Variants in ACTN4 observed in about 807,000 individuals in gnomAD.
ACTN4 encodes the protein alpha-actinin-4.
Under a neutral mutation model 114.2 loss-of-function variants are expected in ACTN4, and 18 were observed. The ratio of observed to expected loss-of-function variants is 0.16; its 90% CI spans 0.11 to 0.23. The LOEUF is 0.23. Among genes scored for constraint, ACTN4 ranks in the 10% least tolerant of loss-of-function variants. The pLI, the probability that ACTN4 is intolerant of heterozygous loss-of-function variation, is 1.00. For synonymous variants in ACTN4, 515 were observed against 506.3 expected (o/e 1.02, Z -0.23); for missense variants, 722 against 1,262.9 (o/e 0.57, Z 6.49).
intron 1 of ACTN4, among the ~76,000 whole-genome samples, chr19:38,665,825 C>CG (rs1568682668): frequency 6.6e-6 from 1 of 152,004 alleles, no homozygotes; most frequent in South Asian, 2.1e-4. Context: ...TGCTATCAGC[C>CG]GGGGGGCTCT....
intron 1 of ACTN4, chr19:38,693,736 C>G (rs1440322763): frequency 6.6e-6 from 1 of 152,222 alleles, no homozygotes; most frequent in Non-Finnish European, 1.5e-5. Context: ...GGAGGGGTCC[C>G]TGTGACGCAG....
chr19:38,654,616 T>C (rs1287542773), intron 1 of ACTN4, among the ~76,000 whole-genome samples: 1 of 151,808 alleles, frequency 6.6e-6, no homozygotes, highest in Non-Finnish European at 1.5e-5. Flanking sequence ...TATATTTAAC[T>C]GGCAAGAGCA....
chr19:38,659,065 C>T (rs12980438), intron 1 of ACTN4, among the ~76,000 whole-genome samples: 59 of 111,670 alleles, frequency 5.3e-4, no homozygotes, highest in South Asian at 9.0e-4. Flanking sequence ...CTTTTCTTTT[C>T]TTTTTTTTTT....
Position 38,727,730 on chromosome 19 carries a change from T to G in ACTN4, c.2338-216T>G, listed in dbSNP as rs2145106955. 5 of 570,572 alleles carry G rather than the reference T, an allele frequency of 8.8e-6. No homozygotes were observed. Among genetic ancestry groups the G allele is most frequent in the South Asian group, 2.0e-5 (1 of 50,276 alleles). The allele number at this position is 570,572 out of a possible 1,614,324, so 35.3% of individuals were successfully genotyped here. ...AGAGAGGTCGGGGAGGCCTCTGCCTTCCTTTGAGCTTCCGAGGTTGGGGAA... is the reference window on the plus strand; with the variant it reads ...AGAGAGGTCGGGGAGGCCTCTGCCTGCCTTTGAGCTTCCGAGGTTGGGGAA... On this transcript the variant is annotated intron_variant, in intron 18 of 20. Transcript: ENST00000252699. This position sits in a 1 kb window ranked among gnomAD's most constrained non-coding sequence, Gnocchi z 5.4.
Position 38,661,921 on chromosome 19 carries a change from G to A in ACTN4, c.162+14014G>A, listed in dbSNP as rs560201736. 9.9e-5 allele frequency among the ~76,000 whole-genome samples: 15 copies of A among 152,152 alleles called. No homozygotes were observed. In the South Asian group the frequency reaches 1.5e-3, roughly 15 times the overall value. The stretch of plus-strand genomic sequence containing the variant: ...CCCGCCTCGGCTTCCCAAAGTGCTG[G>A]GATTACAGGCGTGAGCCACCGCGCC... On this transcript the variant is annotated intron_variant, in intron 1 of 20. Transcript: ENST00000252699.
chr19:38,665,733 C>A (rs1267367905), intron 1 of ACTN4, among the ~76,000 whole-genome samples: 1 of 152,108 alleles, frequency 6.6e-6, no homozygotes, highest in East Asian at 1.9e-4. Context: ...GAGTTACAGG[C>A]CCTGAACAAT....
At chr19:38,693,721 G>A (rs765616093) in intron 1 of ACTN4, 9 of 152,240 alleles carry the variant, frequency 5.9e-5, no homozygotes, top group South Asian at 2.1e-4. Context: ...ACATCCTGGC[G>A]GCTGGGAGGG....
In ACTN4 at chr19:38,730,613, TTAAGC is replaced by T. The variant is rs1007994674; in HGVS notation, c.*1183_*1187del. Reference sequence around the variant, plus strand: ...GAGCCAGGGCAGAGCTAGCACTGTCTTAAGCTGTCAACGTGGACTAGCTCGTGTCA... The same window carrying T: ...GAGCCAGGGCAGAGCTAGCACTGTCTTGTCAACGTGGACTAGCTCGTGTCA... On this transcript the variant is annotated 3_prime_UTR_variant, in exon 21 of 21. Transcript: ENST00000252699. The T allele has an allele frequency of 2.1e-4, 128 of 603,860 alleles. No individual in the cohort carries two copies. Among genetic ancestry groups the T allele is most frequent in the African/African-American group, 1.9e-3 (105 of 54,286 alleles). 37.4% of individuals were successfully genotyped at this position (603,860 alleles called of 1,614,324 possible). A position where few individuals can be genotyped will look rare whatever the true frequency, so the allele number is the denominator to read the frequency against.
intron 1 of ACTN4, among the ~76,000 whole-genome samples, chr19:38,682,724 C>G (rs547001070): frequency 1.3e-5 from 2 of 152,328 alleles, no homozygotes; most frequent in South Asian, 4.1e-4. Flanking sequence ...CCCACACTGC[C>G]AGCCGAAGCT....
At chr19:38,713,673 C>T (rs1027606231) in intron 8 of ACTN4, among the ~76,000 whole-genome samples, 6 of 152,206 alleles carry the variant, frequency 3.9e-5, no homozygotes, top group African/African-American at 1.4e-4. Flanking sequence ...AGCCGTTGGC[C>T]AAGCCTCTCC....
rs760769296 is a variant in ACTN4 at position 38,673,499 on chromosome 19, A to T, written c.162+25592A>T. Among the ~76,000 whole-genome samples the T allele has an allele frequency of 6.5e-4, 71 of 108,420 alleles. 2 individuals are homozygous for T. The highest frequency in any genetic ancestry group is 1.4e-3 in the South Asian group (5 of 3,690). The allele number at this position is 108,420 out of a possible 152,430, so 71.1% of individuals were successfully genotyped here. ...TTTATATATATATTCATATATATTT[A>T]TATATATGAATATATATTTATATAT... On this transcript the variant is annotated intron_variant, in intron 1 of 20. Coordinates refer to ENST00000252699, the MANE Select transcript of ACTN4 (RefSeq NM_004924.6).
chr19:38,663,352 C>T (rs112194047), intron 1 of ACTN4, among the ~76,000 whole-genome samples: 240 of 152,322 alleles, frequency 1.6e-3, no homozygotes, highest in African/African-American at 5.1e-3. Context: ...AGCTCTGTGC[C>T]GAGCCTTTAG....
Position 38,730,888 on chromosome 19 carries a change from A to G in ACTN4, c.*1456A>G, listed in dbSNP as rs1470473769. The G allele has an allele frequency of 1.9e-5, 29 of 1,551,534 alleles. No homozygotes were observed. The highest frequency in any genetic ancestry group is 2.4e-5 in the Non-Finnish European group (28 of 1,147,426). Reference sequence around the variant, plus strand: ...TGGCCACCTCCATCCACTAAGGAAGAGAAGGAAGACAGTGGCTTGAGGCAG... The same window carrying G: ...TGGCCACCTCCATCCACTAAGGAAGGGAAGGAAGACAGTGGCTTGAGGCAG... On this transcript the variant is annotated 3_prime_UTR_variant, in exon 21 of 21. Coordinates refer to ENST00000252699, the MANE Select transcript of ACTN4 (RefSeq NM_004924.6).
At chr19:38,716,395 A>T (rs1219040618) in intron 9 of ACTN4, among the ~76,000 whole-genome samples, 1 of 152,254 alleles carries the variant, frequency 6.6e-6, no homozygotes, top group African/African-American at 2.4e-5. Context: ...TGAGGCACTT[A>T]GTGAGCCCAG....
chr19:38,714,756 G>A (rs1004101548), intron 9 of ACTN4, among the ~76,000 whole-genome samples, 195 bp downstream of exon 9: 4 of 152,208 alleles, frequency 2.6e-5, no homozygotes, highest in African/African-American at 9.6e-5. Flanking sequence ...GGGTCAGACC[G>A]GCAGCCACCT....
In ACTN4 at chr19:38,717,356, A is replaced by G. The variant is rs909914863; in HGVS notation, c.1143+40A>G. On this transcript the variant is annotated intron_variant, in intron 10 of 20. Coordinates refer to ENST00000252699, the MANE Select transcript of ACTN4 (RefSeq NM_004924.6). The surrounding 1 kb of genome is among the most constrained non-coding windows in gnomAD (Gnocchi z 4.0). The stretch of plus-strand genomic sequence containing the variant: ...TCACATGGGAGCAGCTGTGAGGGGC[A>G]GAGGCAGCCCTAGAACTGCCTGTGG... 7 of 1,602,290 alleles carry G rather than the reference A, an allele frequency of 4.4e-6. No individual in the cohort carries two copies. The highest frequency in any genetic ancestry group is 6.0e-6 in the Non-Finnish European group (7 of 1,175,178).
At chr19:38,716,227 A>G (rs1968836877) in intron 9 of ACTN4, among the ~76,000 whole-genome samples, 1 of 152,164 alleles carries the variant, frequency 6.6e-6, no homozygotes, top group Admixed American at 6.5e-5. Context: ...AGAATGTCCA[A>G]CTGTTTGTTA....
chr19:38,673,526 T>G (rs1172074561), intron 1 of ACTN4, among the ~76,000 whole-genome samples: 1 of 119,038 alleles, frequency 8.4e-6, no homozygotes, highest in Non-Finnish European at 1.7e-5. Context: ...TTTATATATA[T>G]TCATATATAC....
chr19:38,648,265 G>A, intron 1 of ACTN4: 1 of 201,588 alleles, frequency 5.0e-6, no homozygotes, highest in Non-Finnish European at 1.0e-5. Flanking sequence ...TGAAGGGTCG[G>A]AGCATGGGTT....
Sources: gnomAD v4.1 joint callset for allele counts (sites outside exome capture counted in the v4.1 genomes callset) on GRCh38, gnomAD v4.1.1 for gene constraint, Gnocchi (gnomAD v3.1) non-coding constraint, MANE v1.5 for transcripts, NCBI Gene and HGNC (gene_info 2026-07-23, HGNC 2026-07-21) for gene names.